CSMD1: variants seen among roughly 807,000 people sequenced by gnomAD.
CSMD1 encodes CUB and Sushi multiple domains 1.
A neutral mutation model predicts 417.5 loss-of-function variants in CSMD1; 213 were observed. That is an observed-to-expected ratio of 0.51 (90% CI 0.46 to 0.57). The LOEUF (loss-of-function observed/expected upper bound fraction) is 0.57. Among genes scored for constraint, CSMD1 ranks in the 20% least tolerant of loss-of-function variants. The probability of loss-of-function intolerance (pLI) is 0.00; values close to 1 mark genes in which losing one functional copy is unlikely to be tolerated. For missense variants in CSMD1, 6,923 were observed against 4,529.7 expected (o/e 1.53, Z -15.17); for synonymous variants, 2,862 against 1,736.8 (o/e 1.65, Z -16.11).
intron 26 of CSMD1, among the ~76,000 whole-genome samples, chr8:3,269,712 C>A (rs1563207198): frequency 6.6e-6 from 1 of 152,126 alleles, no homozygotes; most frequent in Non-Finnish European, 1.5e-5. Flanking sequence ...TGCTGAACTC[C>A]ATTTTCGTGA....
At chr8:4,370,442 C>G (rs1346374608) in intron 3 of CSMD1, among the ~76,000 whole-genome samples, 2 of 152,072 alleles carry the variant, frequency 1.3e-5, no homozygotes, top group East Asian at 1.9e-4. Context: ...TGTATAATAT[C>G]TCATGGAGAT....
intron 10 of CSMD1, among the ~76,000 whole-genome samples, chr8:3,538,521 C>A (rs934970239): frequency 2.0e-5 from 3 of 151,820 alleles, no homozygotes; most frequent in African/African-American, 7.3e-5. Context: ...AGATGCCCCA[C>A]CTGCGATGCC....
intron 5 of CSMD1, among the ~76,000 whole-genome samples, chr8:3,815,925 C>G (rs114938808): frequency 0.012 from 1,880 of 152,226 alleles, 41 homozygotes; most frequent in African/African-American, 0.042. Flanking sequence ...GGAAAAAGAA[C>G]AAATAATTCA....
chr8:3,880,016 CTA>C (rs1341579254), intron 5 of CSMD1, among the ~76,000 whole-genome samples: 2 of 151,830 alleles, frequency 1.3e-5, no homozygotes, highest in Non-Finnish European at 2.9e-5. Context: ...AAGTTACTGA[CTA>C]ATGTAAGTAT....
In CSMD1 at chr8:3,623,270, G is replaced by C. The variant is rs186824303; in HGVS notation, c.1010-6473C>G. 9.9e-5 allele frequency among the ~76,000 whole-genome samples: 15 copies of C among 152,236 alleles called. No individual in the cohort carries two copies. The East Asian group carries it at 2.9e-3, about 29-fold the overall frequency. On this transcript the variant is annotated intron_variant, in intron 7 of 69. Coordinates refer to ENST00000635120, the MANE Select transcript of CSMD1 (RefSeq NM_033225.6). Reference sequence around the variant, plus strand: ...TGCACAAAACCTTGTGACTCTGCAGGGCAGTAAAGAAAATTCTTCTTCATC... The same window carrying C: ...TGCACAAAACCTTGTGACTCTGCAGCGCAGTAAAGAAAATTCTTCTTCATC...
At chr8:4,632,738 C>A (rs542217748) in intron 2 of CSMD1, among the ~76,000 whole-genome samples, 1 of 152,130 alleles carries the variant, frequency 6.6e-6, no homozygotes, top group Non-Finnish European at 1.5e-5. Flanking sequence ...GGAGTTCATG[C>A]ACACAAAGAA....
At chr8:3,467,634 T>C (rs1265597159) in intron 12 of CSMD1, among the ~76,000 whole-genome samples, 1 of 152,210 alleles carries the variant, frequency 6.6e-6, no homozygotes, top group African/African-American at 2.4e-5. Flanking sequence ...GCTTTGTAGA[T>C]GAGGATACTC....
At chr8:4,784,827 G>T (rs1195861496) in intron 1 of CSMD1, among the ~76,000 whole-genome samples, 1 of 152,164 alleles carries the variant, frequency 6.6e-6, no homozygotes, top group Non-Finnish European at 1.5e-5. Context: ...TGGGTTGGCA[G>T]GAAGACTAGA....
chr8:4,810,779 CT>C (rs545631993), intron 1 of CSMD1, among the ~76,000 whole-genome samples: 1 of 152,070 alleles, frequency 6.6e-6, no homozygotes, highest in Non-Finnish European at 1.5e-5. Context: ...AAGAAAGTGC[CT>C]CGCATATCAC....
At chr8:4,252,109 T>C (rs1326461119) in intron 3 of CSMD1, among the ~76,000 whole-genome samples, 1 of 152,168 alleles carries the variant, frequency 6.6e-6, no homozygotes, top group Non-Finnish European at 1.5e-5. Context: ...GTACAGGTGG[T>C]AGAGAACTAC....
At position 4,266,391 on chromosome 8, in the gene CSMD1, T is replaced by A. The variant is rs192626210; in HGVS notation, c.415+153562A>T. ...TCAAGAATATATTTGAAAATATTAA[T>A]ATAGTTCATTTTATGTGTAATAATG... is the stretch of plus-strand genomic sequence containing the variant. On this transcript the variant is annotated intron_variant, in intron 3 of 69. Transcript: ENST00000635120. Among the ~76,000 whole-genome samples, 182 of 105,592 alleles carry A rather than the reference T, an allele frequency of 1.7e-3. 65 individuals carry two copies. The highest frequency in any genetic ancestry group is 4.1e-4 in the Non-Finnish European group (16 of 39,228). 69.3% of individuals were successfully genotyped at this position (105,592 alleles called of 152,430 possible).
intron 1 of CSMD1, among the ~76,000 whole-genome samples, chr8:4,888,005 C>G (rs2116986406): frequency 6.6e-6 from 1 of 152,140 alleles, no homozygotes; most frequent in East Asian, 1.9e-4. Context: ...TTACATGCCT[C>G]TCTCTCTTTC....
chr8:2,946,332 C>A (rs965809971), intron 68 of CSMD1, among the ~76,000 whole-genome samples: 1 of 152,172 alleles, frequency 6.6e-6, no homozygotes, highest in African/African-American at 2.4e-5. Context: ...CGTAGTCTCA[C>A]TTAGAAGATT....
intron 62 of CSMD1, among the ~76,000 whole-genome samples, 193 bp from the exon 63 acceptor site, chr8:2,958,000 G>T (rs1390869128): frequency 6.6e-6 from 1 of 152,218 alleles, no homozygotes; most frequent in Non-Finnish European, 1.5e-5. Context: ...ATTGCTCAAT[G>T]AATAATGTAA....
chr8:4,459,054 G>A (rs1011831713), intron 2 of CSMD1, among the ~76,000 whole-genome samples: 5 of 152,144 alleles, frequency 3.3e-5, no homozygotes, highest in Middle Eastern at 3.4e-3. Flanking sequence ...AGGTGAGTAT[G>A]GCCAGGAAAA....
At chr8:4,454,716 G>A (rs1030110939) in intron 2 of CSMD1, among the ~76,000 whole-genome samples, 2 of 152,124 alleles carry the variant, frequency 1.3e-5, no homozygotes, top group African/African-American at 2.4e-5. Context: ...GAAACTTTCG[G>A]TAAGTAAATG....
At chr8:4,421,487 C>G (rs1416268920) in intron 2 of CSMD1, among the ~76,000 whole-genome samples, 1 of 152,064 alleles carries the variant, frequency 6.6e-6, no homozygotes, top group African/African-American at 2.4e-5. Flanking sequence ...AGCGTGTGTT[C>G]TCTGACCACA....
chr8:3,981,027 G>T (rs1417836368), intron 5 of CSMD1, among the ~76,000 whole-genome samples: 1 of 152,066 alleles, frequency 6.6e-6, no homozygotes, highest in Admixed American at 6.5e-5. Context: ...CAACTATCCT[G>T]TAGTAACCAT....
rs138177983 is a variant in CSMD1, at chr8:3,742,724, G to C, written c.931+11206C>G. Among the ~76,000 whole-genome samples, 105 of 152,104 alleles carry C rather than the reference G, an allele frequency of 6.9e-4. 1 individual carries two copies. Among genetic ancestry groups the C allele is most frequent in the Middle Eastern group, 3.4e-3 (1 of 294 alleles). On this transcript the variant is annotated intron_variant, in intron 6 of 69. Transcript: ENST00000635120. The stretch of plus-strand genomic sequence containing the variant: ...TGAGAAGCTTGCATAGGATCAGAGA[G>C]AGAGAGAGAGAGAAGAAAAAAAACA...
Sources: gnomAD v4.1 joint callset for allele counts (sites outside exome capture counted in the v4.1 genomes callset) on GRCh38, gnomAD v4.1.1 for gene constraint, MANE v1.5 for transcripts, NCBI Gene and HGNC (gene_info 2026-07-23, HGNC 2026-07-21) for gene names.